Variants in USP8 observed in about 807,000 individuals in gnomAD.
USP8 encodes the protein ubiquitin specific peptidase 8, also known as ubiquitin carboxyl-terminal hydrolase 8.
USP8 carries 27 observed loss-of-function variants against 130.0 expected under a neutral mutation model. That is an observed-to-expected ratio of 0.21 (90% CI 0.15 to 0.29). The LOEUF (loss-of-function observed/expected upper bound fraction) is 0.29, where lower values mean the gene tolerates loss of function less well. USP8 is among the 10% of genes least tolerant of loss of function. The probability of loss-of-function intolerance (pLI) is 1.00; values close to 1 mark genes in which losing one functional copy is unlikely to be tolerated. For missense variants in USP8, 1,029 were observed against 1,312.2 expected, an observed-to-expected ratio of 0.78 and a Z score of 3.33; for synonymous variants, 392 against 444.1, an observed-to-expected ratio of 0.88 and a Z score of 1.48.
intron 1 of USP8, among the ~76,000 whole-genome samples, chr15:50,425,350 A>G (rs2049677975): frequency 6.6e-6 from 1 of 152,232 alleles, no homozygotes. Context: ...TGCTGCAGCC[A>G]TTAAAAATGC....
intron 4 of USP8, among the ~76,000 whole-genome samples, chr15:50,450,087 G>A (rs924065344): frequency 6.6e-6 from 1 of 150,564 alleles, no homozygotes; most frequent in Admixed American, 6.6e-5. Context: ...TAGAGACGGG[G>A]TTTCACTGTG....
At chr15:50,496,298 G>A (rs1043709371) in intron 17 of USP8, among the ~76,000 whole-genome samples, 7 of 151,976 alleles carry the variant, frequency 4.6e-5, no homozygotes, top group African/African-American at 7.2e-5. Flanking sequence ...TGGATAACAC[G>A]GTGAAACCCC....
rs1008647586 is a variant in USP8 at position 50,509,092 on chromosome 15, C to G, written c.*10004C>G. 7.6e-6 allele frequency: 1 copy of G among 130,882 alleles called. No homozygotes were observed. Among genetic ancestry groups the G allele is most frequent in the Non-Finnish European group, 1.5e-5 (1 of 64,950 alleles). 8.1% of individuals were successfully genotyped at this position (130,882 alleles called of 1,614,324 possible). A position where few individuals can be genotyped will look rare whatever the true frequency, so the allele number is the denominator to read the frequency against. On this transcript the variant is annotated 3_prime_UTR_variant, in exon 20 of 20. Transcript: ENST00000307179. ...AGCTTGCAGTGAGCCAAGATCGCGC[C>G]ACTGTGCTCCAGCCTGGGCGACAGA... is the stretch of plus-strand genomic sequence containing the variant.
At chr15:50,457,810 G>A (rs1352184463) in intron 4 of USP8, among the ~76,000 whole-genome samples, 3 of 144,356 alleles carry the variant, frequency 2.1e-5, no homozygotes, top group African/African-American at 5.2e-5. Flanking sequence ...GCAGTGAACC[G>A]AGATCATGCC....
intron 5 of USP8, among the ~76,000 whole-genome samples, chr15:50,459,373 C>T (rs931516450): frequency 6.6e-6 from 1 of 152,140 alleles, no homozygotes; most frequent in East Asian, 1.9e-4. Context: ...CACTTGAGGC[C>T]AGGAGCTCAA....
chr15:50,451,559 A>G (rs1181399531), intron 4 of USP8, among the ~76,000 whole-genome samples: 1 of 152,144 alleles, frequency 6.6e-6, no homozygotes, highest in Non-Finnish European at 1.5e-5. Context: ...GTCCTTTCCA[A>G]TTCTAAGGCT....
chr15:50,432,188 G>A (rs2049954414), intron 1 of USP8: 1 of 152,180 alleles, frequency 6.6e-6, no homozygotes, highest in African/African-American at 2.4e-5. Context: ...GGAAGAGATG[G>A]AACTTAAGTT....
intron 3 of USP8, among the ~76,000 whole-genome samples, chr15:50,447,902 C>T (rs1430688660): frequency 6.6e-6 from 1 of 151,942 alleles, no homozygotes; most frequent in Non-Finnish European, 1.5e-5. Context: ...CGTGCCCAGC[C>T]TAATTTTTGC....
intron 1 of USP8, chr15:50,432,407 C>T (rs1035002310): frequency 6.6e-6 from 1 of 152,272 alleles, no homozygotes; most frequent in Admixed American, 6.5e-5. Context: ...CCACCTCAGT[C>T]TCCCAGAGTG....
At chr15:50,477,824 G>GC (rs2051618889) in intron 10 of USP8, among the ~76,000 whole-genome samples, 1 of 142,280 alleles carries the variant, frequency 7.0e-6, no homozygotes, top group Non-Finnish European at 1.5e-5. Flanking sequence ...CTGGGTGACA[G>GC]CAAGACTCTG....
chr15:50,482,105 A>G, intron 11 of USP8, 40 bp downstream of exon 11: 1 of 1,455,044 alleles, frequency 6.9e-7, no homozygotes, highest in Non-Finnish European at 9.0e-7. Context: ...AAGTGAAAGA[A>G]AATGTATATG....
At chr15:50,487,381 A>G (rs2141312887) in intron 12 of USP8, among the ~76,000 whole-genome samples, 1 of 152,012 alleles carries the variant, frequency 6.6e-6, no homozygotes, top group South Asian at 2.1e-4. Flanking sequence ...AGAGAGAGAG[A>G]GACACACACA....
At chr15:50,458,127 A>G (rs1262011259) in intron 4 of USP8, among the ~76,000 whole-genome samples, 1 of 152,136 alleles carries the variant, frequency 6.6e-6, no homozygotes, top group Non-Finnish European at 1.5e-5. Flanking sequence ...TGTCCTGGCA[A>G]TAATAGCAAA....
rs761698779 is a variant in USP8, at chr15:50,492,686, C to T, written c.2235-15C>T. The T allele has an allele frequency of 1.2e-6, 2 of 1,609,798 alleles. No homozygotes were observed. The highest frequency in any genetic ancestry group is 1.7e-6 in the Non-Finnish European group (2 of 1,179,418). On this transcript the variant is annotated splice_polypyrimidine_tract_variant and intron_variant, in intron 14 of 19. Transcript: ENST00000307179. ...TCAGCATTTTAAGACATCTTGTATCCTTTTTCTTCCTCAGGCCAACATGTT... is the reference window on the plus strand; with the variant it reads ...TCAGCATTTTAAGACATCTTGTATCTTTTTTCTTCCTCAGGCCAACATGTT...
rs58329541 is a variant in USP8, at chr15:50,506,957, C to CAAAAAAAA, written c.*7895_*7902dup. The stretch of plus-strand genomic sequence containing the variant: ...TGGGCGACAGAGCGAGACTTCATCT[C>CAAAAAAAA]AAAAAAAAAAAAAAAAAAAAAAAAA... On this transcript the variant is annotated 3_prime_UTR_variant, in exon 20 of 20. Transcript: ENST00000307179. The CAAAAAAAA allele has an allele frequency of 5.2e-4, 24 of 46,228 alleles. 2 individuals are homozygous for CAAAAAAAA. Among genetic ancestry groups the CAAAAAAAA allele is most frequent in the African/African-American group, 2.3e-3 (24 of 10,552 alleles). The allele number at this position is 46,228 out of a possible 1,614,324, so 2.9% of individuals were successfully genotyped here. A position where few individuals can be genotyped will look rare whatever the true frequency, so the allele number is the denominator to read the frequency against.
chr15:50,480,711 G>A (rs185145618), intron 10 of USP8, among the ~76,000 whole-genome samples: 28 of 152,200 alleles, frequency 1.8e-4, no homozygotes, highest in African/African-American at 6.3e-4. Context: ...ACCATACAGG[G>A]CATTACAGAC....
chr15:50,436,436 A>G (rs1393218768), intron 1 of USP8, among the ~76,000 whole-genome samples: 2 of 152,140 alleles, frequency 1.3e-5, no homozygotes, highest in East Asian at 3.8e-4. Context: ...TTGATATCAT[A>G]CTATGCTGTA....
chr15:50,452,588 C>G (rs960445276), intron 4 of USP8, among the ~76,000 whole-genome samples: 2 of 152,136 alleles, frequency 1.3e-5, no homozygotes, highest in Non-Finnish European at 2.9e-5. Context: ...ACATACTGTT[C>G]CAGCATAGAG....
In USP8 at chr15:50,501,740, A is replaced by G. The variant is rs980572077; in HGVS notation, c.*2652A>G. The G allele has an allele frequency of 1.3e-5, 2 of 152,122 alleles. No individual in the cohort carries two copies. The highest frequency in any genetic ancestry group is 4.8e-5 in the African/African-American group (2 of 41,440). The allele number at this position is 152,122 out of a possible 1,614,324, so 9.4% of individuals were successfully genotyped here. ...AGAGGTGTACTTCCAAGGAGGTGTT[A>G]TGGTGTATGATAAGGGTCAGCAAAC... On this transcript the variant is annotated 3_prime_UTR_variant, in exon 20 of 20. Transcript: ENST00000307179.
Sources: gnomAD v4.1 joint callset for allele counts (sites outside exome capture counted in the v4.1 genomes callset) on GRCh38, gnomAD v4.1.1 for gene constraint, MANE v1.5 for transcripts, NCBI Gene and HGNC (gene_info 2026-07-23, HGNC 2026-07-21) for gene names.